PIP5K1A: variants seen among roughly 807,000 people sequenced by gnomAD.
PIP5K1A encodes the protein phosphatidylinositol 4-phosphate 5-kinase type-1 alpha.
PIP5K1A carries 46 observed loss-of-function variants against 72.9 expected under a neutral mutation model. The observed-to-expected ratio is 0.63, with a 90% CI of 0.50 to 0.81. The LOEUF (loss-of-function observed/expected upper bound fraction) is 0.81. Among genes scored for constraint, PIP5K1A ranks in the 30% least tolerant of loss-of-function variants. The probability of loss-of-function intolerance (pLI) is 0.00; values close to 1 mark genes in which losing one functional copy is unlikely to be tolerated. For synonymous variants in PIP5K1A, 228 were observed against 255.1 expected, an observed-to-expected ratio of 0.89 and a Z score of 1.01; for missense variants, 458 against 706.1, an observed-to-expected ratio of 0.65 and a Z score of 3.98.
intron 1 of PIP5K1A, among the ~76,000 whole-genome samples, chr1:151,214,348 C>A (rs1367091934): frequency 6.6e-6 from 1 of 151,712 alleles, no homozygotes; most frequent in Non-Finnish European, 1.5e-5. Context: ...AGGCTTTTTG[C>A]TTTGTTTTTT....
At chr1:151,222,336 G>A (rs1387339530) in intron 1 of PIP5K1A, among the ~76,000 whole-genome samples, 1 of 152,180 alleles carries the variant, frequency 6.6e-6, no homozygotes, top group Non-Finnish European at 1.5e-5. Flanking sequence ...TGCAGTCACA[G>A]ATAGCTAAGC....
chr1:151,198,493 T>C (rs1684744677), upstream of PIP5K1A: 2 of 194,656 alleles, frequency 1.0e-5, no homozygotes, highest in South Asian at 1.5e-4. Context: ...TTTGCTCCTT[T>C]TTTCTCCCCA....
chr1:151,244,971 G>GT (rs1692284356), intron 14 of PIP5K1A, among the ~76,000 whole-genome samples: 1 of 126,482 alleles, frequency 7.9e-6, no homozygotes, highest in Non-Finnish European at 1.6e-5. Context: ...ATGTCTCATT[G>GT]TGTTAACCAG....
At chr1:151,245,339 A>G (rs994679160) in intron 14 of PIP5K1A, among the ~76,000 whole-genome samples, 2 of 152,160 alleles carry the variant, frequency 1.3e-5, no homozygotes, top group Admixed American at 1.3e-4. Context: ...TCAAGTTCCA[A>G]TAAAATTTTT....
At chr1:151,197,953 CG>C (rs1315215148), upstream of PIP5K1A, 6 of 432,704 alleles carry the variant, frequency 1.4e-5, no homozygotes, top group Middle Eastern at 3.4e-4. Context: ...GGTTGGGTCG[CG>C]GGAAGGTTGT....
chr1:151,240,595 C>T (rs951488181), intron 12 of PIP5K1A, among the ~76,000 whole-genome samples: 1 of 152,030 alleles, frequency 6.6e-6, no homozygotes, highest in Non-Finnish European at 1.5e-5. Context: ...ATTCCCATAG[C>T]GAGGGAGAGG....
At chr1:151,199,252 A>G (rs1684854497) in intron 1 of PIP5K1A, 171 bp downstream of exon 1, 7 of 1,300,276 alleles carry the variant, frequency 5.4e-6, no homozygotes, top group African/African-American at 3.0e-5. Context: ...TGAGGAAAGG[A>G]TAAGTTTGAT....
intron 1 of PIP5K1A, among the ~76,000 whole-genome samples, chr1:151,203,010 C>A (rs1685424607): frequency 6.6e-6 from 1 of 151,950 alleles, no homozygotes; most frequent in South Asian, 2.1e-4. Context: ...CTCAGGTGAT[C>A]CTCTCGCCTC....
At chr1:151,243,683 T>C (rs1692084160) in intron 14 of PIP5K1A, among the ~76,000 whole-genome samples, 1 of 152,208 alleles carries the variant, frequency 6.6e-6, no homozygotes. Flanking sequence ...ACCTGAGTTC[T>C]TTTCTCAGGC....
intron 1 of PIP5K1A, among the ~76,000 whole-genome samples, chr1:151,218,727 G>A (rs1026072822): frequency 8.0e-5 from 12 of 149,074 alleles, no homozygotes; most frequent in African/African-American, 3.0e-4. Flanking sequence ...CCAGCTGCTT[G>A]AAGGCTGAGG....
intron 4 of PIP5K1A, 56 bp from the exon 5 acceptor site, chr1:151,231,615 A>G (rs929229962): frequency 2.6e-6 from 4 of 1,515,626 alleles, no homozygotes; most frequent in Non-Finnish European, 3.7e-6. Context: ...CTGAATTTTT[A>G]TTGTTATGAT....
intron 5 of PIP5K1A, 22 bp from the exon 6 acceptor site, chr1:151,232,226 C>T: frequency 6.6e-7 from 1 of 1,513,280 alleles, no homozygotes; most frequent in African/African-American, 1.4e-5. Flanking sequence ...CAAGTTATGG[C>T]TACCTCTGTT....
chr1:151,216,387 TGG>T (rs1687620517), intron 1 of PIP5K1A, among the ~76,000 whole-genome samples: 1 of 148,430 alleles, frequency 6.7e-6, no homozygotes, highest in Non-Finnish European at 1.5e-5. Flanking sequence ...CTTCTTGGAG[TGG>T]TAGTTCATGG....
At chr1:151,216,076 A>C in intron 1 of PIP5K1A, 2 of 777,800 alleles carry the variant, frequency 2.6e-6, no homozygotes, top group South Asian at 2.8e-5. Context: ...TCTTCCCCAT[A>C]ACAGTTGCAG....
chr1:151,248,288 C>G lies in PIP5K1A; in HGVS notation c.*423C>G, dbSNP rs1349260603. 1 of 182,938 alleles carries G rather than the reference C, an allele frequency of 5.5e-6. No homozygotes were observed. Among genetic ancestry groups the G allele is most frequent in the African/African-American group, 2.4e-5 (1 of 42,440 alleles). The allele number at this position is 182,938 out of a possible 1,614,324, so 11.3% of individuals were successfully genotyped here. On this transcript the variant is annotated 3_prime_UTR_variant, in exon 16 of 16. Transcript: ENST00000368888. ...GGACAGACTAGCTGGCACATTATCCCTACCTTAGTTCTTTCTCTCTGACTC... is the reference window on the plus strand; with the variant it reads ...GGACAGACTAGCTGGCACATTATCCGTACCTTAGTTCTTTCTCTCTGACTC...
intron 14 of PIP5K1A, among the ~76,000 whole-genome samples, chr1:151,245,343 A>G (rs1389023087): frequency 6.6e-6 from 1 of 152,006 alleles, no homozygotes; most frequent in Admixed American, 6.6e-5. Context: ...GTTCCAATAA[A>G]ATTTTTCTCA....
chr1:151,238,338 G>A, intron 10 of PIP5K1A, 73 bp downstream of exon 10: 1 of 1,007,120 alleles, frequency 9.9e-7, no homozygotes, highest in Non-Finnish European at 1.6e-6. Context: ...TTTTAGATAG[G>A]TTTGTTACCA....
upstream of PIP5K1A, among the ~76,000 whole-genome samples, chr1:151,196,049 C>T (rs1172677628): frequency 6.6e-6 from 1 of 151,440 alleles, no homozygotes; most frequent in African/African-American, 2.4e-5. Context: ...AGGCGCCGGC[C>T]AACTCACCCG....
At chr1:151,213,116 T>TCTC (rs1346295884) in intron 1 of PIP5K1A, among the ~76,000 whole-genome samples, 2 of 152,058 alleles carry the variant, frequency 1.3e-5, no homozygotes, top group Non-Finnish European at 2.9e-5. Context: ...ATGGTCTCGA[T>TCTC]CTGACCTTGT....
Sources: allele counts gnomAD v4.1 joint callset (sites outside exome capture counted in the v4.1 genomes callset), GRCh38; gene constraint gnomAD v4.1.1; transcripts MANE v1.5; gene names NCBI Gene and HGNC (gene_info 2026-07-23, HGNC 2026-07-21).